The following NDUFS4 variants were observed in gnomAD, a reference collection of about 807,000 sequenced individuals.
NDUFS4 encodes the protein NADH dehydrogenase [ubiquinone] iron-sulfur protein 4, mitochondrial.
A neutral mutation model predicts 24.3 loss-of-function variants in NDUFS4; 28 were observed. The ratio of observed to expected loss-of-function variants is 1.15; its 90% confidence interval spans 0.85 to 1.58. The LOEUF is 1.58. Among genes scored for constraint, NDUFS4 ranks in the 40% most tolerant of loss-of-function variants. The probability of loss-of-function intolerance (pLI) is 0.00; values close to 1 mark genes in which losing one functional copy is unlikely to be tolerated. For synonymous variants in NDUFS4, 93 were observed against 69.7 expected, an observed-to-expected ratio of 1.34 and a Z score of -1.67; for missense variants, 223 against 207.9, an observed-to-expected ratio of 1.07 and a Z score of -0.45.
intron 4 of NDUFS4, among the ~76,000 whole-genome samples, chr5:53,682,807 A>ATAGAG (rs1443435133): frequency 2.0e-5 from 3 of 152,150 alleles, no homozygotes; most frequent in Non-Finnish European, 2.9e-5. Flanking sequence ...GTTAAACCAC[A>ATAGAG]TAGAGTAATG....
chr5:53,655,262 C>T (rs927919911), intron 3 of NDUFS4, among the ~76,000 whole-genome samples: 1 of 152,098 alleles, frequency 6.6e-6, no homozygotes, highest in Non-Finnish European at 1.5e-5. Context: ...AACAGCATTT[C>T]CAGTATCTCA....
chr5:53,586,285 C>T (rs548500579), intron 1 of NDUFS4, among the ~76,000 whole-genome samples: 2 of 148,998 alleles, frequency 1.3e-5, no homozygotes, highest in East Asian at 2.0e-4. Flanking sequence ...GCCGAGATCA[C>T]GCCATTGTAC....
chr5:53,679,854 G>A (rs1214235915), intron 4 of NDUFS4, among the ~76,000 whole-genome samples: 1 of 152,082 alleles, frequency 6.6e-6, no homozygotes, highest in African/African-American at 2.4e-5. Flanking sequence ...AAAGAATATG[G>A]AGGTCTTGGG....
intron 1 of NDUFS4, among the ~76,000 whole-genome samples, chr5:53,589,297 T>A (rs1749867871): frequency 6.6e-6 from 1 of 152,176 alleles, no homozygotes; most frequent in Admixed American, 6.5e-5. Flanking sequence ...ACTGTGTCAG[T>A]CAGGATCCTA....
At chr5:53,598,296 C>T (rs1238130075) in intron 1 of NDUFS4, among the ~76,000 whole-genome samples, 1 of 152,160 alleles carries the variant, frequency 6.6e-6, no homozygotes, top group African/African-American at 2.4e-5. Flanking sequence ...CAAAAACCTG[C>T]ACATGAATGT....
chr5:53,681,293 A>C (rs1002330203), intron 4 of NDUFS4, among the ~76,000 whole-genome samples: 1 of 152,098 alleles, frequency 6.6e-6, no homozygotes, highest in African/African-American at 2.4e-5. Context: ...TCTGAGCCTC[A>C]GTTTACTCAC....
intron 1 of NDUFS4, among the ~76,000 whole-genome samples, chr5:53,596,790 G>A (rs3103600): frequency 0.36 from 54,410 of 151,958 alleles, 10,867 homozygotes; most frequent in East Asian, 0.58. Flanking sequence ...GACAACAAAC[G>A]TAATTAGTTC....
At chr5:53,572,858 C>A (rs909620900) in intron 1 of NDUFS4, among the ~76,000 whole-genome samples, 1 of 151,536 alleles carries the variant, frequency 6.6e-6, no homozygotes, top group East Asian at 1.9e-4. Flanking sequence ...GTTGGCCAGG[C>A]TGGTCTCGAA....
At chr5:53,640,829 T>G (rs751525409) in intron 2 of NDUFS4, among the ~76,000 whole-genome samples, 2 of 152,120 alleles carry the variant, frequency 1.3e-5, no homozygotes, top group Non-Finnish European at 1.5e-5. Context: ...ATAGTGGTTA[T>G]GGATCTCCAG....
intron 2 of NDUFS4, among the ~76,000 whole-genome samples, chr5:53,637,047 A>G (rs1281175331): frequency 6.6e-6 from 1 of 152,186 alleles, no homozygotes; most frequent in East Asian, 1.9e-4. Context: ...GATTATTTAC[A>G]TTATGTGCAG....
chr5:53,593,135 T>A (rs1408103671), intron 1 of NDUFS4, among the ~76,000 whole-genome samples: 1 of 152,128 alleles, frequency 6.6e-6, no homozygotes, highest in African/African-American at 2.4e-5. Flanking sequence ...CTTAAATATT[T>A]GGTAGAATTC....
At chr5:53,581,372 A>G (rs139221770) in intron 1 of NDUFS4, among the ~76,000 whole-genome samples, 3 of 152,184 alleles carry the variant, frequency 2.0e-5, no homozygotes, top group Admixed American at 6.5e-5. Flanking sequence ...TGTTGGGTAC[A>G]TGTTGCAAAA....
At chr5:53,656,744 A>G (rs1365416238) in intron 3 of NDUFS4, among the ~76,000 whole-genome samples, 1 of 152,168 alleles carries the variant, frequency 6.6e-6, no homozygotes, top group Non-Finnish European at 1.5e-5. Context: ...GAAATTTTTG[A>G]ACTGGGCAGA....
chr5:53,650,919 T>G (rs1751996732), intron 3 of NDUFS4, among the ~76,000 whole-genome samples: 1 of 152,224 alleles, frequency 6.6e-6, no homozygotes, highest in Non-Finnish European at 1.5e-5. Context: ...TCTGATGCTT[T>G]AAGACAAAAC....
chr5:53,654,072 A>C (rs1752095193), intron 3 of NDUFS4, among the ~76,000 whole-genome samples: 1 of 152,082 alleles, frequency 6.6e-6, no homozygotes, highest in Non-Finnish European at 1.5e-5. Flanking sequence ...TGCAAAGTTG[A>C]GTATCATTCA....
intron 1 of NDUFS4, among the ~76,000 whole-genome samples, chr5:53,572,653 T>G (rs1259356108): frequency 1.3e-5 from 2 of 151,966 alleles, no homozygotes; most frequent in Non-Finnish European, 2.9e-5. Context: ...CTTGAAGTTT[T>G]TTTTTTTTTT....
chr5:53,601,955 T>C (rs1371230080), intron 1 of NDUFS4, among the ~76,000 whole-genome samples: 1 of 152,194 alleles, frequency 6.6e-6, no homozygotes, highest in Non-Finnish European at 1.5e-5. Flanking sequence ...AAAGTAAACT[T>C]TATCATAGGT....
intron 1 of NDUFS4, among the ~76,000 whole-genome samples, chr5:53,582,168 G>A (rs1314017048): frequency 3.3e-5 from 5 of 150,986 alleles, no homozygotes; most frequent in African/African-American, 7.3e-5. Flanking sequence ...CCGAGATCGC[G>A]CCACTGCACT....
chr5:53,601,499 C>T (rs1750324934), intron 1 of NDUFS4, among the ~76,000 whole-genome samples: 1 of 151,982 alleles, frequency 6.6e-6, no homozygotes, highest in African/African-American at 2.4e-5. Context: ...AGTTAAATCC[C>T]CTTTGTAGTA....
Sources: gnomAD v4.1 joint callset for allele counts (sites outside exome capture counted in the v4.1 genomes callset) on GRCh38, gnomAD v4.1.1 for gene constraint, MANE v1.5 for transcripts, NCBI Gene and HGNC (gene_info 2026-07-23, HGNC 2026-07-21) for gene names.